Variants in PACSIN2 observed in about 807,000 individuals in gnomAD.
PACSIN2 encodes protein kinase C and casein kinase substrate in neurons 2.
A neutral mutation model predicts 63.8 loss-of-function variants in PACSIN2; 25 were observed. The ratio of observed to expected loss-of-function variants is 0.39; its 90% CI spans 0.29 to 0.55. PACSIN2 has a LOEUF of 0.55. Ranked by LOEUF, PACSIN2 falls within the 20% of genes least tolerant of loss-of-function variation. The pLI, the probability that PACSIN2 is intolerant of heterozygous loss-of-function variation, is 0.62. For missense variants in PACSIN2, 518 were observed against 646.9 expected (o/e 0.80, Z 2.16); for synonymous variants, 255 against 256.2 (o/e 1.00, Z 0.05).
At chr22:42,909,042 CTCTAT>C (rs1254501104) in intron 2 of PACSIN2, among the ~76,000 whole-genome samples, 1 of 152,176 alleles carries the variant, frequency 6.6e-6, no homozygotes, top group Non-Finnish European at 1.5e-5. Flanking sequence ...CATTAAATAG[CTCTAT>C]TCAGTATCAT....
chr22:42,879,203 G>A, intron 7 of PACSIN2, 34 bp from the exon 8 acceptor site: 1 of 1,602,772 alleles, frequency 6.2e-7, no homozygotes, highest in South Asian at 1.1e-5. Flanking sequence ...AGAAACCAAA[G>A]GTTCACTACT....
chr22:42,920,793 C>CTTTTTT (rs745822264), intron 1 of PACSIN2, among the ~76,000 whole-genome samples: 1 of 77,656 alleles, frequency 1.3e-5, no homozygotes, highest in Non-Finnish European at 2.3e-5. Flanking sequence ...AATTATCACA[C>CTTTTTT]TTTTTTTTTT....
intron 1 of PACSIN2, among the ~76,000 whole-genome samples, chr22:42,932,182 T>C (rs1475855985): frequency 1.3e-5 from 2 of 152,204 alleles, no homozygotes; most frequent in Non-Finnish European, 2.9e-5. Flanking sequence ...TTCTCTCTGT[T>C]TCTTCAACAT....
At chr22:42,927,477 G>GT (rs2146765310) in intron 1 of PACSIN2, among the ~76,000 whole-genome samples, 1 of 152,256 alleles carries the variant, frequency 6.6e-6, no homozygotes, top group Non-Finnish European at 1.5e-5. Context: ...TCAAACTTCT[G>GT]GCCTCAAGTG....
In PACSIN2 at chr22:42,876,920, G is replaced by A. The variant is rs370438215; in HGVS notation, c.1119C>T (p.Thr373=). The A allele has an allele frequency of 6.9e-5, 112 of 1,614,126 alleles. 1 individual carries two copies. The African/African-American group carries it at 1.3e-3, about 19-fold the overall frequency. ...CCTTAGTGTCGTCCTTCTCACTGAC[G>A]GTGCTGCCCGTGTCGTCCTCATCCT... ...PFEDEDDTGS[T]VSEKDDTKAK... Residue 373 remains threonine, a synonymous_variant, in exon 9 of 11, where the codon ACC becomes ACT. Coordinates refer to ENST00000263246, the MANE Select transcript of PACSIN2 (RefSeq NM_001184970.3).
intron 1 of PACSIN2, among the ~76,000 whole-genome samples, chr22:42,973,623 G>A (rs999772665): frequency 1.7e-4 from 26 of 152,314 alleles, no homozygotes; most frequent in African/African-American, 6.3e-4. Context: ...GCCTGTCTCC[G>A]CCCAGGTGTG....
intron 1 of PACSIN2, among the ~76,000 whole-genome samples, chr22:42,913,619 C>T (rs926358553): frequency 1.3e-5 from 2 of 151,808 alleles, no homozygotes; most frequent in African/African-American, 4.8e-5. Context: ...TACTGTTATA[C>T]ACCCTTAGTA....
intron 7 of PACSIN2, among the ~76,000 whole-genome samples, chr22:42,880,063 C>T (rs1928957296): frequency 6.6e-6 from 1 of 152,206 alleles, no homozygotes; most frequent in Admixed American, 6.5e-5. Flanking sequence ...TGCATGCCCG[C>T]AGGTGTTTAA....
At chr22:43,010,560 A>G (rs1924420972) in intron 1 of PACSIN2, among the ~76,000 whole-genome samples, 1 of 152,002 alleles carries the variant, frequency 6.6e-6, no homozygotes, top group African/African-American at 2.4e-5. Context: ...AATACAAAAC[A>G]TTAGCCAAGT....
chr22:42,964,306 T>A (rs1349301648), intron 1 of PACSIN2, among the ~76,000 whole-genome samples: 1 of 151,746 alleles, frequency 6.6e-6, no homozygotes. Flanking sequence ...TAATCTCAGC[T>A]ACTCGAGAGG....
At chr22:42,890,414 C>T (rs1226279715) in intron 4 of PACSIN2, among the ~76,000 whole-genome samples, 1 of 152,014 alleles carries the variant, frequency 6.6e-6, no homozygotes, top group Non-Finnish European at 1.5e-5. Flanking sequence ...CCTCAGTTAC[C>T]AAATCTGTAA....
chr22:42,886,804 G>C (rs1428320037), intron 5 of PACSIN2, among the ~76,000 whole-genome samples: 1 of 152,088 alleles, frequency 6.6e-6, no homozygotes, highest in Non-Finnish European at 1.5e-5. Context: ...AAAGAGGCAG[G>C]GAGGGTCCCA....
intron 10 of PACSIN2, among the ~76,000 whole-genome samples, chr22:42,875,390 G>A (rs1044377836): frequency 5.3e-5 from 8 of 152,012 alleles, no homozygotes; most frequent in Admixed American, 2.6e-4. Flanking sequence ...GTTTGTTTGC[G>A]ACAGGGTCTC....
At chr22:42,949,495 A>G (rs1181187041) in intron 1 of PACSIN2, among the ~76,000 whole-genome samples, 2 of 152,046 alleles carry the variant, frequency 1.3e-5, no homozygotes, top group Non-Finnish European at 2.9e-5. Context: ...TTGTGATGCT[A>G]GCTGCCTAAT....
At chr22:42,901,325 A>T (rs1240922689) in intron 2 of PACSIN2, among the ~76,000 whole-genome samples, 1 of 152,230 alleles carries the variant, frequency 6.6e-6, no homozygotes, top group Non-Finnish European at 1.5e-5. Context: ...CTCCTCTGTC[A>T]GCCTGGCAGA....
chr22:42,938,001 G>A (rs970229132), intron 1 of PACSIN2, among the ~76,000 whole-genome samples: 7 of 152,272 alleles, frequency 4.6e-5, no homozygotes, highest in African/African-American at 1.7e-4. Context: ...CTTGCTCCCT[G>A]CCCTCTACCC....
chr22:42,949,880 A>G (rs933657658), intron 1 of PACSIN2, among the ~76,000 whole-genome samples: 3 of 152,254 alleles, frequency 2.0e-5, no homozygotes, highest in Non-Finnish European at 4.4e-5. Flanking sequence ...TTTACAAATT[A>G]TTTTACATCT....
At chr22:42,899,326 G>A (rs1930509275) in intron 2 of PACSIN2, among the ~76,000 whole-genome samples, 1 of 152,046 alleles carries the variant, frequency 6.6e-6, no homozygotes, top group African/African-American at 2.4e-5. Context: ...TAGCTCTGTT[G>A]CCCAAGCTGA....
intron 1 of PACSIN2, among the ~76,000 whole-genome samples, chr22:42,944,241 C>T (rs184703605): frequency 6.6e-6 from 1 of 152,204 alleles, no homozygotes; most frequent in South Asian, 2.1e-4. Context: ...ACAAGGGACA[C>T]ACAGATCAAG....
Sources: gnomAD v4.1 joint callset for allele counts (sites outside exome capture counted in the v4.1 genomes callset) on GRCh38, gnomAD v4.1.1 for gene constraint, MANE v1.5 for transcripts, NCBI Gene and HGNC (gene_info 2026-07-23, HGNC 2026-07-21) for gene names.